The following INO80 variants were observed in gnomAD, a reference collection of about 807,000 sequenced individuals.
INO80 encodes the protein INO80 complex ATPase subunit.
INO80 carries 20 observed loss-of-function variants against 203.4 expected under a neutral mutation model. The ratio of observed to expected loss-of-function variants is 0.10; its 90% CI spans 0.07 to 0.14. The LOEUF (loss-of-function observed/expected upper bound fraction) is 0.14, where lower values mean the gene tolerates loss of function less well. INO80 is among the 10% of genes least tolerant of loss of function. INO80 has a pLI of 1.00. For synonymous variants in INO80, 726 were observed against 685.2 expected (o/e 1.06, Z -0.93); for missense variants, 1,419 against 1,914.4 (o/e 0.74, Z 4.83).
intron 4 of INO80, among the ~76,000 whole-genome samples, chr15:41,095,253 A>C (rs1395740616): frequency 6.6e-6 from 1 of 152,208 alleles, no homozygotes; most frequent in African/African-American, 2.4e-5. Flanking sequence ...AGGCAGGAGA[A>C]TTGCTTGAAC....
At chr15:41,039,616 G>C (rs1050349992) in intron 24 of INO80, among the ~76,000 whole-genome samples, 1 of 152,140 alleles carries the variant, frequency 6.6e-6, no homozygotes, top group Non-Finnish European at 1.5e-5. Flanking sequence ...GTAGCCTAGA[G>C]CAATGAAAAA....
chr15:41,070,387 G>C, intron 13 of INO80, 80 bp downstream of exon 13: 1 of 1,224,144 alleles, frequency 8.2e-7, no homozygotes, highest in South Asian at 1.2e-5. Context: ...GCTTAACATA[G>C]TGCTTTTAAG....
At chr15:41,022,207 A>C (rs1034800660) in intron 25 of INO80, among the ~76,000 whole-genome samples, 1 of 152,254 alleles carries the variant, frequency 6.6e-6, no homozygotes, top group East Asian at 1.9e-4. Flanking sequence ...AAGCTAGACT[A>C]AGACATGGGG....
chr15:41,090,574 C>CA (rs1171537489), intron 5 of INO80, among the ~76,000 whole-genome samples: 4 of 150,928 alleles, frequency 2.7e-5, no homozygotes, highest in East Asian at 3.9e-4. Context: ...AGACTCTGTC[C>CA]AAAAAAAAGA....
chr15:41,076,463 TTTC>T (rs2045404392), intron 9 of INO80, among the ~76,000 whole-genome samples: 1 of 144,224 alleles, frequency 6.9e-6, no homozygotes, highest in Non-Finnish European at 1.5e-5. Flanking sequence ...ATGTGCAAAC[TTTC>T]TTTTTTTTTT....
At chr15:41,032,777 T>A (rs548700074) in intron 24 of INO80, among the ~76,000 whole-genome samples, 1 of 152,120 alleles carries the variant, frequency 6.6e-6, no homozygotes, top group African/African-American at 2.4e-5. Context: ...TGGTAGCTCA[T>A]GCCTGTAATC....
At chr15:41,098,891 A>C (rs2045763671) in intron 1 of INO80, among the ~76,000 whole-genome samples, 1 of 152,122 alleles carries the variant, frequency 6.6e-6, no homozygotes, top group South Asian at 2.1e-4. Context: ...ACACATGAAA[A>C]AATGCTAAAT....
chr15:41,044,870 T>C (rs1242784219), intron 24 of INO80, 34 bp downstream of exon 24: 1 of 1,558,928 alleles, frequency 6.4e-7, no homozygotes, highest in Non-Finnish European at 8.6e-7. Context: ...AAGAAGATAC[T>C]AAGTAGGTAA....
chr15:41,096,178 T>A lies in INO80; in HGVS notation c.133A>T (p.Asn45Tyr). 1 of 1,605,298 alleles carries A rather than the reference T, an allele frequency of 6.2e-7. No homozygotes were observed. Residue 45 changes from asparagine (N) to tyrosine (Y), a missense_variant, in exon 2 of 36, where the codon AAT (asparagine) becomes TAT (tyrosine). Around this residue, in one of 9 missense-constraint regions of INO80, gnomAD observed 323 missense variants for 325.4 expected, o/e 0.99. Transcript: ENST00000648947. ...LRQTSAIFNRNISSDDSEDGL... is the reference protein window; with the variant it reads ...LRQTSAIFNRYISSDDSEDGL... ...GATACAATAACATACCTAGAAATAT[T>A]CCTATTGAAGATAGCTGACGTTTGT...
At chr15:41,035,446 AG>A (rs1407761629) in intron 24 of INO80, among the ~76,000 whole-genome samples, 2 of 151,442 alleles carry the variant, frequency 1.3e-5, no homozygotes, top group Non-Finnish European at 2.9e-5. Context: ...GGACTGCTTG[AG>A]CCCCAAAGGT....
intron 1 of INO80, among the ~76,000 whole-genome samples, chr15:41,111,983 TAGC>T (rs1278174360): frequency 1.3e-5 from 2 of 152,098 alleles, no homozygotes; most frequent in Non-Finnish European, 2.9e-5. Context: ...GGGTTCACTG[TAGC>T]CTCAACCTTC....
chr15:40,987,560 C>T (rs74014730), intron 30 of INO80, among the ~76,000 whole-genome samples: 6,498 of 152,226 alleles, frequency 0.043, 329 homozygotes, highest in African/African-American at 0.12. Flanking sequence ...AGGCCATTAC[C>T]GGTGTCAGTC....
intron 32 of INO80, 120 bp downstream of exon 32, chr15:40,985,218 T>TAC (rs1223511868): frequency 1.4e-6 from 1 of 715,404 alleles, no homozygotes; most frequent in Non-Finnish European, 2.5e-6. Context: ...TAGCTGATCA[T>TAC]ACACAGCTGG....
chr15:41,108,569 G>T (rs1031249122), intron 1 of INO80, among the ~76,000 whole-genome samples: 1 of 149,822 alleles, frequency 6.7e-6, no homozygotes, highest in Non-Finnish European at 1.5e-5. Context: ...TCCAGCCTGG[G>T]GGACACAGCG....
At chr15:41,002,810 ATGT>A (rs2043976734) in intron 28 of INO80, among the ~76,000 whole-genome samples, 1 of 152,222 alleles carries the variant, frequency 6.6e-6, no homozygotes, top group African/African-American at 2.4e-5. Context: ...ATCATTAAAA[ATGT>A]TGTCGGCAAG....
intron 27 of INO80, among the ~76,000 whole-genome samples, chr15:41,007,580 A>G (rs1290294100): frequency 6.6e-6 from 1 of 151,998 alleles, no homozygotes; most frequent in Non-Finnish European, 1.5e-5. Flanking sequence ...TATCAAGGCC[A>G]GCACAACCCC....
At chr15:41,016,322 T>A in intron 26 of INO80, 107 bp from the exon 27 acceptor site, 1 of 1,094,392 alleles carries the variant, frequency 9.1e-7, no homozygotes, top group Non-Finnish European at 1.3e-6. Flanking sequence ...AAGATGCTTG[T>A]CATCATGAGA....
intron 27 of INO80, among the ~76,000 whole-genome samples, chr15:41,009,286 G>T (rs1374569501): frequency 6.7e-6 from 1 of 149,566 alleles, no homozygotes; most frequent in Non-Finnish European, 1.5e-5. Flanking sequence ...CAATGTGCAG[G>T]TTAGTTACAT....
At position 41,056,497 on chromosome 15, in the gene INO80, T is replaced by C. The variant is rs2044987067; in HGVS notation, c.2070+125A>G. 3 of 722,300 alleles carry C rather than the reference T, an allele frequency of 4.2e-6. No homozygotes were observed. The Admixed American group carries it at 7.6e-5, about 18-fold the overall frequency. 44.7% of individuals were successfully genotyped at this position (722,300 alleles called of 1,614,324 possible). On this transcript the variant is annotated intron_variant, in intron 17 of 35. Transcript: ENST00000648947. ...TAAAAGACGACTTGGGGCAAGTCTTTTATGTGGGGACTATAATTTATACAA... is the reference window on the plus strand; with the variant it reads ...TAAAAGACGACTTGGGGCAAGTCTTCTATGTGGGGACTATAATTTATACAA...
Sources: allele counts gnomAD v4.1 joint callset (sites outside exome capture counted in the v4.1 genomes callset), GRCh38; gene constraint gnomAD v4.1.1; regional missense constraint gnomAD v4.1.1; transcripts MANE v1.5; gene names NCBI Gene and HGNC (gene_info 2026-07-23, HGNC 2026-07-21).